The following PLXDC2 variants were observed in gnomAD, a reference collection of about 807,000 sequenced individuals.
The protein encoded by PLXDC2 is plexin domain containing 2.
In PLXDC2, 40 loss-of-function variants were observed where a neutral mutation model predicts 68.9. The observed-to-expected ratio is 0.58, with a 90% confidence interval of 0.45 to 0.76. The LOEUF (loss-of-function observed/expected upper bound fraction) is 0.76. PLXDC2 is among the 30% of genes least tolerant of loss of function. The pLI is 0.00. For synonymous variants in PLXDC2, 243 were observed against 234.2 expected, an observed-to-expected ratio of 1.04 and a Z score of -0.34; for missense variants, 644 against 661.9, an observed-to-expected ratio of 0.97 and a Z score of 0.30.
intron 1 of PLXDC2, among the ~76,000 whole-genome samples, chr10:19,882,266 A>G (rs867911664): frequency 1.3e-5 from 2 of 152,322 alleles, no homozygotes; most frequent in South Asian, 4.1e-4. Flanking sequence ...ACTACTCCAC[A>G]CAATAAACAT....
chr10:20,108,833 A>G (rs944753404), intron 4 of PLXDC2, among the ~76,000 whole-genome samples: 1 of 152,198 alleles, frequency 6.6e-6, no homozygotes, highest in African/African-American at 2.4e-5. Context: ...CAAGTTTGTA[A>G]TAGATACAAA....
intron 1 of PLXDC2, among the ~76,000 whole-genome samples, chr10:19,903,117 A>T (rs1838185602): frequency 6.6e-6 from 1 of 152,028 alleles, no homozygotes; most frequent in Admixed American, 6.6e-5. Context: ...TTCATCAGGG[A>T]TATTCGTCTG....
intron 1 of PLXDC2, among the ~76,000 whole-genome samples, chr10:19,835,421 C>T (rs1314212826): frequency 2.6e-5 from 4 of 152,114 alleles, no homozygotes; most frequent in Non-Finnish European, 5.9e-5. Flanking sequence ...TTTCCAGGTG[C>T]TTTAGGGAAT....
intron 5 of PLXDC2, among the ~76,000 whole-genome samples, chr10:20,145,873 C>T (rs1319218632): frequency 6.6e-6 from 1 of 152,056 alleles, no homozygotes; most frequent in Non-Finnish European, 1.5e-5. Flanking sequence ...TTTTTAACAA[C>T]CTGCTACTAA....
chr10:20,068,283 G>A (rs376734661), intron 4 of PLXDC2, 44 bp downstream of exon 4: 6 of 1,447,022 alleles, frequency 4.1e-6, no homozygotes, highest in Non-Finnish European at 5.8e-6. Context: ...TCTATGGTTT[G>A]ACTGCAGTTA....
chr10:20,164,391 C>G, intron 6 of PLXDC2, 77 bp from the exon 7 acceptor site: 1 of 1,153,062 alleles, frequency 8.7e-7, no homozygotes, highest in South Asian at 1.3e-5. Flanking sequence ...GTCCATGAAA[C>G]AAGAGGATCC....
At chr10:20,036,115 A>T (rs1264112613) in intron 2 of PLXDC2, among the ~76,000 whole-genome samples, 1 of 152,196 alleles carries the variant, frequency 6.6e-6, no homozygotes, top group East Asian at 1.9e-4. Flanking sequence ...AACTTAATAA[A>T]GGACCTGTAT....
In PLXDC2 at chr10:20,287,882, C is replaced by A. The variant is rs1348597974; in HGVS notation, c.*8063C>A. 6.7e-6 allele frequency: 1 copy of A among 148,272 alleles called. No individual in the cohort carries two copies. Among genetic ancestry groups the A allele is most frequent in the Non-Finnish European group, 1.5e-5 (1 of 67,776 alleles). 9.2% of individuals were successfully genotyped at this position (148,272 alleles called of 1,614,324 possible). ...ATGCCAGCTGGGATCATGGGAACTT[C>A]GAATGCCAGGAATTTACTACTGTTT... On this transcript the variant is annotated 3_prime_UTR_variant, in exon 14 of 14. Transcript: ENST00000377252.
intron 2 of PLXDC2, among the ~76,000 whole-genome samples, chr10:20,017,400 C>T (rs1213831506): frequency 6.6e-6 from 1 of 152,194 alleles, no homozygotes; most frequent in Non-Finnish European, 1.5e-5. Context: ...TAATCCATCT[C>T]TCAACCTCCT....
rs1486398981 is a variant in PLXDC2 at position 20,284,230 on chromosome 10, A to G, written c.*4411A>G. 6.6e-6 allele frequency: 1 copy of G among 150,804 alleles called. No individual in the cohort carries two copies. The highest frequency in any genetic ancestry group is 1.5e-5 in the Non-Finnish European group (1 of 67,822). The allele number at this position is 150,804 out of a possible 1,614,324, so 9.3% of individuals were successfully genotyped here. On this transcript the variant is annotated 3_prime_UTR_variant, in exon 14 of 14. Coordinates refer to ENST00000377252, the MANE Select transcript of PLXDC2 (RefSeq NM_032812.9). Reference sequence around the variant, plus strand: ...CTTTTACTTCACGACCTCCAACCCCACTTTTGTTATCAGCGTCATATGCCA... The same window carrying G: ...CTTTTACTTCACGACCTCCAACCCCGCTTTTGTTATCAGCGTCATATGCCA...
intron 13 of PLXDC2, among the ~76,000 whole-genome samples, chr10:20,256,019 TTAC>T (rs1835737867): frequency 6.6e-6 from 1 of 152,124 alleles, no homozygotes; most frequent in Admixed American, 6.5e-5. Flanking sequence ...TTTCAGCTAA[TTAC>T]TACATTTGTA....
intron 1 of PLXDC2, among the ~76,000 whole-genome samples, chr10:19,987,777 G>A (rs1048966335): frequency 1.3e-5 from 2 of 151,890 alleles, no homozygotes; most frequent in African/African-American, 4.8e-5. Flanking sequence ...TGTTGGCCAG[G>A]ATGGTCTCGA....
intron 4 of PLXDC2, among the ~76,000 whole-genome samples, chr10:20,122,066 C>A (rs1833705503): frequency 6.6e-6 from 1 of 151,622 alleles, no homozygotes; most frequent in African/African-American, 2.4e-5. Context: ...GGAAGAAGGG[C>A]AGCCATGAGA....
At chr10:20,245,590 C>T in intron 13 of PLXDC2, 85 bp downstream of exon 13, 1 of 1,410,318 alleles carries the variant, frequency 7.1e-7, no homozygotes, top group Non-Finnish European at 9.6e-7. Flanking sequence ...TAATATTTAC[C>T]ACATGGCTTC....
intron 4 of PLXDC2, among the ~76,000 whole-genome samples, chr10:20,135,477 A>G (rs977405180): frequency 6.6e-6 from 1 of 152,226 alleles, no homozygotes; most frequent in African/African-American, 2.4e-5. Context: ...TTTGAGGAAC[A>G]AGATGGAGGA....
At chr10:20,060,217 A>T (rs1836076328) in intron 3 of PLXDC2, among the ~76,000 whole-genome samples, 1 of 151,782 alleles carries the variant, frequency 6.6e-6, no homozygotes, top group Non-Finnish European at 1.5e-5. Context: ...TTGTAGAGAC[A>T]GGGTCTTGCT....
chr10:20,208,374 G>C (rs951391611), intron 9 of PLXDC2, among the ~76,000 whole-genome samples: 1 of 152,092 alleles, frequency 6.6e-6, no homozygotes, highest in Non-Finnish European at 1.5e-5. Flanking sequence ...AAAGCCATCA[G>C]ATCTTGTGAG....
intron 10 of PLXDC2, among the ~76,000 whole-genome samples, chr10:20,214,727 C>T (rs913694223): frequency 6.6e-6 from 1 of 152,064 alleles, no homozygotes; most frequent in African/African-American, 2.4e-5. Flanking sequence ...TATTTAGTTC[C>T]TTAGTCTGCC....
At chr10:20,049,177 C>T (rs901979171) in intron 3 of PLXDC2, among the ~76,000 whole-genome samples, 3 of 152,044 alleles carry the variant, frequency 2.0e-5, no homozygotes, top group African/African-American at 4.8e-5. Context: ...ATGTTAAAAA[C>T]ACTCAAGAAA....
Sources: allele counts gnomAD v4.1 joint callset (sites outside exome capture counted in the v4.1 genomes callset), GRCh38; gene constraint gnomAD v4.1.1; transcripts MANE v1.5; gene names NCBI Gene and HGNC (gene_info 2026-07-23, HGNC 2026-07-21).